MOB3B: variants seen among roughly 807,000 people sequenced by gnomAD.
MOB3B encodes MOB kinase activator-like 2B.
Under a neutral mutation model 18.7 loss-of-function variants are expected in MOB3B, and 7 were observed. That is an observed-to-expected ratio of 0.37 (90% CI 0.21 to 0.70). The LOEUF (loss-of-function observed/expected upper bound fraction) is 0.70. MOB3B is among the 30% of genes least tolerant of loss of function. The probability of loss-of-function intolerance (pLI) is 0.52; values close to 1 mark genes in which losing one functional copy is unlikely to be tolerated. For synonymous variants in MOB3B, 111 were observed against 99.9 expected, an observed-to-expected ratio of 1.11 and a Z score of -0.66; for missense variants, 253 against 281.3, an observed-to-expected ratio of 0.90 and a Z score of 0.72.
chr9:27,500,801 G>A (rs1000299451), intron 1 of MOB3B, among the ~76,000 whole-genome samples: 3 of 152,136 alleles, frequency 2.0e-5, no homozygotes, highest in Admixed American at 2.0e-4. Flanking sequence ...TACCATCAGA[G>A]TGAACAGGCA....
chr9:27,332,765 AG>A (rs1318117642), intron 3 of MOB3B, among the ~76,000 whole-genome samples: 1 of 152,216 alleles, frequency 6.6e-6, no homozygotes, highest in Non-Finnish European at 1.5e-5. Flanking sequence ...TGTATTGATG[AG>A]GAAAAACCCT....
At chr9:27,500,460 T>C (rs949790443) in intron 1 of MOB3B, among the ~76,000 whole-genome samples, 1 of 152,174 alleles carries the variant, frequency 6.6e-6, no homozygotes, top group Non-Finnish European at 1.5e-5. Flanking sequence ...TACAACCATC[T>C]GATCTTTGAC....
chr9:27,365,360 T>C (rs1290275893), intron 2 of MOB3B, among the ~76,000 whole-genome samples: 1 of 133,046 alleles, frequency 7.5e-6, no homozygotes, highest in Non-Finnish European at 1.6e-5. Context: ...ATCTTCCTTC[T>C]TCTCTTTTTT....
At chr9:27,500,792 A>T (rs1305861767) in intron 1 of MOB3B, among the ~76,000 whole-genome samples, 1 of 152,206 alleles carries the variant, frequency 6.6e-6, no homozygotes, top group Non-Finnish European at 1.5e-5. Flanking sequence ...AAAAGAAACT[A>T]CCATCAGAGT....
intron 2 of MOB3B, among the ~76,000 whole-genome samples, chr9:27,440,781 TCTGTGATAAGGAGACCACATAA>T (rs1822582612): frequency 1.3e-5 from 2 of 152,000 alleles, no homozygotes; most frequent in Non-Finnish European, 2.9e-5. Flanking sequence ...TCCCAAAAAC[TCTGTGATAAGGAGACCACATAA>T]CTGTGAATAC....
In MOB3B at chr9:27,455,643, G is replaced by C; in HGVS notation, c.-93C>G. Reference sequence around the variant, plus strand: ...TCACAGCCCAACAGTGTTTTCCACTGCCAGCACTCAGGCCCCAGTCTTACA... The same window carrying C: ...TCACAGCCCAACAGTGTTTTCCACTCCCAGCACTCAGGCCCCAGTCTTACA... On this transcript the variant is annotated 5_prime_UTR_variant, in exon 2 of 4. Coordinates refer to ENST00000262244, the MANE Select transcript of MOB3B (RefSeq NM_024761.5). 1 of 1,579,374 alleles carries C rather than the reference G, an allele frequency of 6.3e-7. No individual in the cohort carries two copies. The highest frequency in any genetic ancestry group is 1.2e-5 in the South Asian group (1 of 84,740).
chr9:27,418,935 T>TA (rs145696934), intron 2 of MOB3B, among the ~76,000 whole-genome samples: 14 of 150,714 alleles, frequency 9.3e-5, no homozygotes, highest in East Asian at 5.9e-4. Context: ...CTAGAACTGA[T>TA]AAAAAAAAAT....
chr9:27,411,350 G>A (rs1248278359), intron 2 of MOB3B, among the ~76,000 whole-genome samples: 2 of 152,298 alleles, frequency 1.3e-5, no homozygotes, highest in East Asian at 3.9e-4. Context: ...CATCTAGCAG[G>A]TGAATCAATG....
At chr9:27,401,524 C>T (rs1212892041) in intron 2 of MOB3B, among the ~76,000 whole-genome samples, 1 of 152,154 alleles carries the variant, frequency 6.6e-6, no homozygotes, top group Non-Finnish European at 1.5e-5. Context: ...GATAGATGAT[C>T]TGAAACAGGT....
intron 1 of MOB3B, among the ~76,000 whole-genome samples, chr9:27,502,325 T>C (rs1187741692): frequency 2.0e-5 from 3 of 152,198 alleles, no homozygotes; most frequent in Non-Finnish European, 4.4e-5. Context: ...TAATTCCAAA[T>C]ACCTCTTCCC....
chr9:27,453,154 T>C (rs971026572), intron 2 of MOB3B, among the ~76,000 whole-genome samples: 8 of 152,264 alleles, frequency 5.3e-5, no homozygotes, highest in African/African-American at 1.9e-4. Context: ...AAGATGCTAA[T>C]GGTCTTTCAT....
At chr9:27,340,481 G>A (rs538572071) in intron 3 of MOB3B, among the ~76,000 whole-genome samples, 1 of 152,260 alleles carries the variant, frequency 6.6e-6, no homozygotes, top group East Asian at 1.9e-4. Flanking sequence ...GACACATGGT[G>A]GGTTGCCTCA....
intron 3 of MOB3B, among the ~76,000 whole-genome samples, chr9:27,356,372 A>C (rs1821190833): frequency 6.6e-6 from 1 of 152,194 alleles, no homozygotes; most frequent in African/African-American, 2.4e-5. Context: ...CAGGCCCCCA[A>C]AGAGGCCCTT....
At chr9:27,529,519 G>C (rs941156333) in intron 1 of MOB3B, 36 bp downstream of exon 1, 2 of 981,214 alleles carry the variant, frequency 2.0e-6, no homozygotes, top group Non-Finnish European at 2.4e-6. Context: ...ACCGGGCTGC[G>C]CCGCCTCCCC....
chr9:27,491,879 A>G (rs562065204), intron 1 of MOB3B, among the ~76,000 whole-genome samples: 41 of 152,304 alleles, frequency 2.7e-4, no homozygotes, highest in Admixed American at 1.6e-3. Context: ...TCTCAACAAC[A>G]ACAACAACAA....
chr9:27,502,102 C>CT (rs1820001175), intron 1 of MOB3B, among the ~76,000 whole-genome samples: 1 of 152,136 alleles, frequency 6.6e-6, no homozygotes, highest in African/African-American at 2.4e-5. Context: ...ACAAATGTGA[C>CT]AGATCTCCAG....
intron 2 of MOB3B, among the ~76,000 whole-genome samples, chr9:27,395,846 C>T (rs917182082): frequency 1.3e-5 from 2 of 152,118 alleles, no homozygotes; most frequent in African/African-American, 2.4e-5. Flanking sequence ...GGCATCTACA[C>T]AATGGAGATA....
chr9:27,428,148 T>C (rs187534761), intron 2 of MOB3B, among the ~76,000 whole-genome samples: 5 of 152,156 alleles, frequency 3.3e-5, no homozygotes, highest in African/African-American at 9.7e-5. Flanking sequence ...AGCTATTTAC[T>C]GAGGGGCTGC....
intron 1 of MOB3B, among the ~76,000 whole-genome samples, chr9:27,506,605 C>T (rs946428921): frequency 9.9e-5 from 15 of 151,786 alleles, no homozygotes; most frequent in Admixed American, 9.8e-4. Context: ...GATCTCAGCT[C>T]ACTGCAACTT....
Sources: gnomAD v4.1 joint callset for allele counts (sites outside exome capture counted in the v4.1 genomes callset) on GRCh38, gnomAD v4.1.1 for gene constraint, MANE v1.5 for transcripts, NCBI Gene and HGNC (gene_info 2026-07-23, HGNC 2026-07-21) for gene names.